EMID1: variants seen among roughly 807,000 people sequenced by gnomAD.
EMID1 encodes EMI domain containing 1.
In EMID1, 40 loss-of-function variants were observed where a neutral mutation model predicts 60.6. The observed-to-expected ratio is 0.66, with a 90% CI of 0.51 to 0.86. EMID1 has a LOEUF of 0.86. Among genes scored for constraint, EMID1 ranks in the 40% least tolerant of loss-of-function variants. The probability of loss-of-function intolerance (pLI) is 0.00; values close to 1 mark genes in which losing one functional copy is unlikely to be tolerated. For synonymous variants in EMID1, 242 were observed against 231.0 expected (o/e 1.05, Z -0.43); for missense variants, 585 against 597.1 (o/e 0.98, Z 0.21).
At chr22:29,218,255 T>C (rs1280043463) in intron 3 of EMID1, among the ~76,000 whole-genome samples, 1 of 152,268 alleles carries the variant, frequency 6.6e-6, no homozygotes, top group Admixed American at 6.5e-5. Flanking sequence ...CACAGTCAGC[T>C]GCTCAAGAAA....
At chr22:29,237,626 G>A (rs907384106) in intron 12 of EMID1, among the ~76,000 whole-genome samples, 2 of 143,084 alleles carry the variant, frequency 1.4e-5, no homozygotes, top group African/African-American at 2.8e-5. Context: ...GTGAAACCCC[G>A]TCTCTACTAA....
At chr22:29,214,643 G>C (rs1373596717) in intron 1 of EMID1, among the ~76,000 whole-genome samples, 1 of 152,166 alleles carries the variant, frequency 6.6e-6, no homozygotes, top group Non-Finnish European at 1.5e-5. Flanking sequence ...CGAGAGCTCA[G>C]GGGAAGATGG....
intron 13 of EMID1, among the ~76,000 whole-genome samples, chr22:29,252,132 G>T (rs1376040057): frequency 1.3e-5 from 2 of 152,150 alleles, no homozygotes; most frequent in African/African-American, 4.8e-5. Flanking sequence ...TTTAGATCCT[G>T]CCCCTGTAAT....
chr22:29,205,904 C>A lies in EMID1; in HGVS notation c.-135C>A. 1 of 285,356 alleles carries A rather than the reference C, an allele frequency of 3.5e-6. No individual in the cohort carries two copies. The highest frequency in any genetic ancestry group is 5.2e-6 in the Non-Finnish European group (1 of 191,404). 17.7% of individuals were successfully genotyped at this position (285,356 alleles called of 1,614,324 possible). On this transcript the variant is annotated 5_prime_UTR_variant, in exon 1 of 15. Coordinates refer to ENST00000334018, the MANE Select transcript of EMID1 (RefSeq NM_133455.4). Reference sequence around the variant, plus strand: ...CCCGCCCCCGCCCGCCCGCCTCCTGCCCGCCCTCCGGCCGCGGAGCTGGAA... The same window carrying A: ...CCCGCCCCCGCCCGCCCGCCTCCTGACCGCCCTCCGGCCGCGGAGCTGGAA...
intron 13 of EMID1, among the ~76,000 whole-genome samples, chr22:29,248,429 A>G (rs1232332291): frequency 6.6e-6 from 1 of 152,130 alleles, no homozygotes; most frequent in Non-Finnish European, 1.5e-5. Context: ...TAGAGCTGTC[A>G]TCTCCTATGA....
At chr22:29,246,358 GT>G (rs1201970985) in intron 13 of EMID1, among the ~76,000 whole-genome samples, 3 of 152,110 alleles carry the variant, frequency 2.0e-5, no homozygotes, top group East Asian at 1.9e-4. Flanking sequence ...ATGCGGTCAG[GT>G]TTTTTTTATT....
chr22:29,206,463 A>AT (rs1166863881), intron 1 of EMID1, among the ~76,000 whole-genome samples: 5 of 152,108 alleles, frequency 3.3e-5, no homozygotes, highest in African/African-American at 1.2e-4. Flanking sequence ...GGAAAGGCCT[A>AT]TGACACCCCC....
At position 29,234,161 on chromosome 22, in the gene EMID1, A is replaced by C; in HGVS notation, c.991A>C (p.Lys331Gln). Residue 331 changes from lysine to glutamine, a missense_variant, in exon 11 of 15, where the codon AAA becomes CAA. By Grantham distance (53) the Lys-to-Gln change is moderately conservative. Coordinates refer to ENST00000334018, the MANE Select transcript of EMID1 (RefSeq NM_133455.4). Reference protein sequence around the residue: ...HIGPPGPTGPKGISGHPGEKG... With the variant: ...HIGPPGPTGPQGISGHPGEKG... ...GGGACCCCCAGGCCCCACTGGACCC[A>C]AAGGAATCTCTGGCCACCCAGGAGA... The C allele has an allele frequency of 6.3e-7, 1 of 1,599,592 alleles. No homozygotes were observed. Among genetic ancestry groups the C allele is most frequent in the Non-Finnish European group, 8.5e-7 (1 of 1,172,716 alleles).
chr22:29,234,479 C>A, intron 12 of EMID1, 130 bp downstream of exon 12: 1 of 1,106,954 alleles, frequency 9.0e-7, no homozygotes, highest in Non-Finnish European at 1.3e-6. Context: ...CAGATGCTCC[C>A]TGTCTCTGAG....
rs527253396 is a variant in EMID1, at chr22:29,239,039, A to G, written c.1075-4406A>G. On this transcript the variant is annotated intron_variant, in intron 12 of 14. Coordinates refer to ENST00000334018, the MANE Select transcript of EMID1 (RefSeq NM_133455.4). ...TTCTCTTTTTTCCTTCTGGTATTCT[A>G]TTATGCATATTTACATCTTTTGTAA... 9.9e-4 allele frequency among the ~76,000 whole-genome samples: 142 copies of G among 143,310 alleles called. 13 individuals are homozygous for G. Among genetic ancestry groups the G allele is most frequent in the South Asian group, 3.1e-3 (14 of 4,456 alleles). 94.0% of individuals were successfully genotyped at this position (143,310 alleles called of 152,430 possible).
At chr22:29,240,190 GT>G (rs2041102045) in intron 12 of EMID1, among the ~76,000 whole-genome samples, 1 of 152,100 alleles carries the variant, frequency 6.6e-6, no homozygotes, top group African/African-American at 2.4e-5. Context: ...GTTTTGTTTT[GT>G]TTTTGTTTGG....
At chr22:29,214,565 C>G (rs2040013323) in intron 1 of EMID1, among the ~76,000 whole-genome samples, 1 of 152,162 alleles carries the variant, frequency 6.6e-6, no homozygotes, top group Non-Finnish European at 1.5e-5. Context: ...CTGTAGTTGT[C>G]CAGGCAAGAG....
intron 13 of EMID1, 125 bp downstream of exon 13, chr22:29,243,614 C>T: frequency 1.8e-6 from 2 of 1,141,096 alleles, no homozygotes; most frequent in South Asian, 1.4e-5. Flanking sequence ...ACAGCCTGGT[C>T]TCCCAGGCAG....
chr22:29,251,831 A>C (rs1003004141), intron 13 of EMID1, among the ~76,000 whole-genome samples: 1 of 151,914 alleles, frequency 6.6e-6, no homozygotes, highest in Non-Finnish European at 1.5e-5. Flanking sequence ...AGCTTGGCTA[A>C]TTTTTGTATT....
chr22:29,241,762 G>GA (rs962475330), intron 12 of EMID1, among the ~76,000 whole-genome samples: 115 of 140,526 alleles, frequency 8.2e-4, no homozygotes, highest in African/African-American at 2.0e-3. Context: ...AATCAAATTT[G>GA]AAAAAAAAAA....
intron 13 of EMID1, among the ~76,000 whole-genome samples, chr22:29,244,662 G>A (rs112234878): frequency 0.12 from 16,591 of 143,948 alleles, 1,261 homozygotes; most frequent in East Asian, 0.2. Flanking sequence ...GAAAAGAAAA[G>A]AAAATAGAAA....
chr22:29,240,972 G>C (rs1226918845), intron 12 of EMID1, among the ~76,000 whole-genome samples: 2 of 152,190 alleles, frequency 1.3e-5, no homozygotes, highest in Non-Finnish European at 2.9e-5. Context: ...AGAACAGAAT[G>C]CTTGGTCTAT....
intron 14 of EMID1, among the ~76,000 whole-genome samples, chr22:29,256,571 T>C (rs1010920737): frequency 2.0e-5 from 3 of 151,814 alleles, no homozygotes; most frequent in Admixed American, 1.3e-4. Context: ...GGAGCACTCA[T>C]TGAAAGCCAG....
chr22:29,216,250 A>T lies in EMID1; in HGVS notation c.319+620A>T, dbSNP rs887898982. ...TCAGGGCTGAGCACCCTGCAGGGGC[A>T]CAGAGGAGGCAGCCTGGGCCTCCCA... On this transcript the variant is annotated intron_variant, in intron 3 of 14. Coordinates refer to ENST00000334018, the MANE Select transcript of EMID1 (RefSeq NM_133455.4). 3.2e-4 allele frequency: 304 copies of T among 961,914 alleles called. 1 individual carries two copies. The Admixed American group carries it at 4.1e-3, about 13-fold the overall frequency. The allele number at this position is 961,914 out of a possible 1,614,324, so 59.6% of individuals were successfully genotyped here.
Sources: allele counts gnomAD v4.1 joint callset (sites outside exome capture counted in the v4.1 genomes callset), GRCh38; gene constraint gnomAD v4.1.1; transcripts MANE v1.5; gene names NCBI Gene and HGNC (gene_info 2026-07-23, HGNC 2026-07-21).